UCKL1: variants seen among roughly 807,000 people sequenced by gnomAD.
The protein encoded by UCKL1 is uridine-cytidine kinase 1 like 1, also known as uridine-cytidine kinase-like 1.
In UCKL1, 65 loss-of-function variants were observed where a neutral mutation model predicts 59.2. That is an observed-to-expected ratio of 1.10 (90% CI 0.90 to 1.35). The LOEUF (loss-of-function observed/expected upper bound fraction) is 1.35. Ranked by LOEUF, UCKL1 falls within the 40% of genes most tolerant of loss-of-function variation. UCKL1 has a pLI of 0.00. For missense variants in UCKL1, 703 were observed against 784.3 expected, an observed-to-expected ratio of 0.90 and a Z score of 1.24; for synonymous variants, 410 against 323.1, an observed-to-expected ratio of 1.27 and a Z score of -2.88.
intron 1 of UCKL1, chr20:63,955,119 C>T (rs1174263177): frequency 6.6e-6 from 1 of 152,152 alleles, no homozygotes; most frequent in Non-Finnish European, 1.5e-5. Flanking sequence ...TGGTGGCGCA[C>T]ACCTGTAATT....
At chr20:63,945,218 T>C (rs1884653) in intron 5 of UCKL1, among the ~76,000 whole-genome samples, 2,110 of 152,210 alleles carry the variant, frequency 0.014, 13 homozygotes, top group Middle Eastern at 0.027. Flanking sequence ...ATGTGCCGGA[T>C]GATGGAGTCC....
At chr20:63,956,177 G>T in intron 1 of UCKL1, 83 bp downstream of exon 1, 1 of 1,272,664 alleles carries the variant, frequency 7.9e-7, no homozygotes, top group Non-Finnish European at 1.0e-6. Flanking sequence ...GGCTCGCGGC[G>T]GGGACGGACC....
Position 63,940,066 on chromosome 20 carries a change from G to A in UCKL1, c.1568-11C>T, listed in dbSNP as rs200504039. 1.3e-4 allele frequency: 40 copies of A among 316,006 alleles called. No individual in the cohort carries two copies. Among genetic ancestry groups the A allele is most frequent in the Admixed American group, 2.7e-4 (2 of 7,314 alleles). 19.6% of individuals were successfully genotyped at this position (316,006 alleles called of 1,614,324 possible). A position where few individuals can be genotyped will look rare whatever the true frequency, so the allele number is the denominator to read the frequency against. On this transcript the variant is annotated splice_polypyrimidine_tract_variant and intron_variant, in intron 14 of 14. Transcript: ENST00000354216. The stretch of plus-strand genomic sequence containing the variant: ...GGTCGCCAAAGTTCCCTGGAAAAAG[G>A]GGGGGGGGGGTCCAGTGTGGTGGGG...
intron 5 of UCKL1, among the ~76,000 whole-genome samples, chr20:63,945,427 C>T (rs772885519): frequency 1.6e-4 from 24 of 152,342 alleles, no homozygotes; most frequent in Middle Eastern, 3.4e-3. Context: ...AGGCCTCAGC[C>T]GGTGGAGAGG....
intron 1 of UCKL1, among the ~76,000 whole-genome samples, chr20:63,949,603 A>G (rs1405623337): frequency 6.6e-6 from 1 of 152,196 alleles, no homozygotes; most frequent in African/African-American, 2.4e-5. Context: ...AGTCCTGCTT[A>G]GGTTCAGCAG....
chr20:63,946,789 C>T (rs972890389), intron 1 of UCKL1, 146 bp from the exon 2 acceptor site: 1 of 809,292 alleles, frequency 1.2e-6, no homozygotes, highest in African/African-American at 1.7e-5. Context: ...CATAAGAACT[C>T]TGCCTGGGCT....
intron 8 of UCKL1, 109 bp downstream of exon 8, chr20:63,943,544 T>G: frequency 6.5e-7 from 1 of 1,536,200 alleles, no homozygotes; most frequent in Non-Finnish European, 8.9e-7. Flanking sequence ...CCACCCCTTC[T>G]GTGACTGGGG....
chr20:63,947,586 G>C (rs1007556961), intron 1 of UCKL1, among the ~76,000 whole-genome samples: 1 of 152,208 alleles, frequency 6.6e-6, no homozygotes, highest in African/African-American at 2.4e-5. Flanking sequence ...ACAGTGCCTC[G>C]GCCTGGCCTC....
intron 5 of UCKL1, among the ~76,000 whole-genome samples, chr20:63,945,299 C>G (rs543438023): frequency 6.6e-6 from 1 of 152,324 alleles, no homozygotes; most frequent in African/African-American, 2.4e-5. Context: ...CAGCTGTGTC[C>G]TGAAGGCCCC....
At chr20:63,943,288 C>T (rs1465855267) in intron 8 of UCKL1, among the ~76,000 whole-genome samples, 1 of 152,226 alleles carries the variant, frequency 6.6e-6, no homozygotes, top group Non-Finnish European at 1.5e-5. Flanking sequence ...AGCAGGCTCC[C>T]TGGCTGCTGG....
rs376340539 is a variant in UCKL1, at chr20:63,939,941, G to A, written c.*35C>T. The A allele has an allele frequency of 5.2e-5, 83 of 1,589,038 alleles. No individual in the cohort carries two copies. In the African/African-American group the frequency reaches 6.8e-4, roughly 13 times the overall value. On this transcript the variant is annotated 3_prime_UTR_variant, in exon 15 of 15. Transcript: ENST00000354216. Reference sequence around the variant, plus strand: ...AGCAGTCCTGGGTCAGGAGGCAGGAGGAGGGTGGTGGGGACGGGATGGCTC... The same window carrying A: ...AGCAGTCCTGGGTCAGGAGGCAGGAAGAGGGTGGTGGGGACGGGATGGCTC...
intron 1 of UCKL1, among the ~76,000 whole-genome samples, chr20:63,949,888 T>A (rs917576530): frequency 6.6e-6 from 1 of 152,194 alleles, no homozygotes; most frequent in Non-Finnish European, 1.5e-5. Flanking sequence ...GGGACTAACT[T>A]GAGGGACAGA....
In UCKL1 at chr20:63,940,839, GGTCTGTACGAC is replaced by G; in HGVS notation, c.1123_1133del (p.Val375ProfsTer26). On this transcript the variant is annotated frameshift_variant, in exon 11 of 15. Transcript: ENST00000354216. LOFTEE classifies it high-confidence loss of function. ...TGCCCGCATAGTCCTGCCCCTGCGGGGTCTGTACGACGCAGTCCTGTGGGGTGCAGGGTGAG... is the reference window on the plus strand; with the variant it reads ...TGCCCGCATAGTCCTGCCCCTGCGGGGCAGTCCTGTGGGGTGCAGGGTGAG... 1 of 1,558,702 alleles carries G rather than the reference GGTCTGTACGAC, an allele frequency of 6.4e-7. No homozygotes were observed. The highest frequency in any genetic ancestry group is 8.7e-7 in the Non-Finnish European group (1 of 1,152,552).
At chr20:63,946,739 T>C in intron 1 of UCKL1, 96 bp from the exon 2 acceptor site, 1 of 1,314,420 alleles carries the variant, frequency 7.6e-7, no homozygotes, top group Non-Finnish European at 1.0e-6. Flanking sequence ...CCCCACCCCC[T>C]CAACAGGCAT....
At chr20:63,944,838 A>C (rs1049375436) in intron 5 of UCKL1, 104 bp from the exon 6 acceptor site, 30 of 1,403,364 alleles carry the variant, frequency 2.1e-5, no homozygotes, top group South Asian at 2.7e-5. Context: ...GGGCCTGGCC[A>C]GAGCCACTTC....
chr20:63,945,216 G>C (rs983627948), intron 5 of UCKL1, among the ~76,000 whole-genome samples: 2 of 152,288 alleles, frequency 1.3e-5, no homozygotes, highest in South Asian at 2.1e-4. Context: ...CTATGTGCCG[G>C]ATGATGGAGT....
chr20:63,953,108 G>A lies in UCKL1; in HGVS notation c.113+3152C>T, dbSNP rs938468441. Among the ~76,000 whole-genome samples the A allele has an allele frequency of 5.3e-5, 8 of 152,224 alleles. No homozygotes were observed. The East Asian group carries it at 1.5e-3, about 29-fold the overall frequency. The stretch of plus-strand genomic sequence containing the variant: ...TAGAAATACAAAATTAGCTGGGCAC[G>A]GTGGCACATGCCTGTAATCCCAGCA... On this transcript the variant is annotated intron_variant, in intron 1 of 14. Transcript: ENST00000354216.
At chr20:63,945,780 C>T (rs562230230) in intron 4 of UCKL1, 25 bp downstream of exon 4, 16 of 1,612,942 alleles carry the variant, frequency 9.9e-6, no homozygotes, top group South Asian at 9.9e-5. Context: ...CCCCCCGAGG[C>T]CCCCTCTGCA....
At position 63,940,484 on chromosome 20, in the gene UCKL1, A is replaced by G; in HGVS notation, c.1304T>C (p.Leu435Pro). The change falls in exon 13 of 15, where the codon CTC (leucine) becomes CCC (proline). Residue 435 changes from leucine to proline, a missense_variant and splice_region_variant. Leu to Pro is a moderately conservative substitution (Grantham distance 98). This residue lies in a region of UCKL1 where 25 missense variants were observed against 64.5 expected (regional missense o/e 0.39). Transcript: ENST00000354216. ...GTCCTTGGGCAGCCTCAGGTAGTGG[A>G]GCTGCGGGCAGCAGGGGTCAGGCTG... ...QTNQLTGEPELHYLRLPKDIS... is the reference protein window; with the variant it reads ...QTNQLTGEPEPHYLRLPKDIS... The G allele has an allele frequency of 1.2e-6, 2 of 1,610,494 alleles. No individual in the cohort carries two copies. Among genetic ancestry groups the G allele is most frequent in the Non-Finnish European group, 1.7e-6 (2 of 1,179,312 alleles).
Sources: allele counts gnomAD v4.1 joint callset (sites outside exome capture counted in the v4.1 genomes callset), GRCh38; gene constraint gnomAD v4.1.1; regional missense constraint gnomAD v4.1.1; transcripts MANE v1.5; gene names NCBI Gene and HGNC (gene_info 2026-07-23, HGNC 2026-07-21).